The following MYH15 variants were observed in gnomAD, a reference collection of about 807,000 sequenced individuals.
The protein encoded by MYH15 is myosin-15.
Under a neutral mutation model 240.5 loss-of-function variants are expected in MYH15, and 227 were observed. That is an observed-to-expected ratio of 0.94 (90% CI 0.85 to 1.05). The LOEUF is 1.05. MYH15 is among the 50% of genes least tolerant of loss of function. The pLI, the probability that MYH15 is intolerant of heterozygous loss-of-function variation, is 0.00. For synonymous variants in MYH15, 785 were observed against 796.7 expected, an observed-to-expected ratio of 0.99 and a Z score of 0.25; for missense variants, 2,217 against 2,247.5, an observed-to-expected ratio of 0.99 and a Z score of 0.27.
At position 108,428,860 on chromosome 3, in the gene MYH15, C is replaced by A. The variant is rs1028623466; in HGVS notation, c.3334G>T (p.Glu1112Ter). The A allele has an allele frequency of 2.5e-6, 4 of 1,609,274 alleles. No homozygotes were observed. Among genetic ancestry groups the A allele is most frequent in the Middle Eastern group, 3.3e-4 (2 of 6,046 alleles). Reference sequence around the variant, plus strand: ...GTGGTCCTTTCAGCTTCTAGTTTCTCTTTCAAATCCTTTATTTGAGTCTGT... The same window carrying A: ...GTGGTCCTTTCAGCTTCTAGTTTCTATTTCAAATCCTTTATTTGAGTCTGT... Reference protein sequence around the residue: ...ELQTQIKDLKEKLEAERTTRA... With the variant: ...ELQTQIKDLK The change falls in exon 27 of 41, where the codon GAG becomes TAG. Residue 1112 changes from glutamate to a stop codon, truncating the protein, a stop_gained. Coordinates refer to ENST00000693548, the MANE Select transcript of MYH15 (RefSeq NM_014981.3). LOFTEE classifies it high-confidence loss of function.
At chr3:108,547,965 G>C in the MYH15 span, among the ~76,000 whole-genome samples, 1 of 152,158 alleles carries the variant, frequency 6.6e-6, no homozygotes, top group Non-Finnish European at 1.5e-5. Flanking sequence ...TGCATGCAAA[G>C]AGGTGAACAT....
chr3:108,480,343 G>A (rs1202015120), intron 11 of MYH15, among the ~76,000 whole-genome samples: 1 of 152,210 alleles, frequency 6.6e-6, no homozygotes, highest in African/African-American at 2.4e-5. Context: ...GGTCAAAGAA[G>A]AGGTTGTAAC....
chr3:108,463,204 C>G lies in MYH15; in HGVS notation c.1771G>C (p.Asp591His). The change falls in exon 16 of 41, where the codon GAC becomes CAC. Residue 591 changes from aspartate to histidine, a missense_variant. Asp to His is a moderately conservative substitution (Grantham distance 81). Transcript: ENST00000693548. ...NISGWLEKNK[D>H]LLNETVVAVF... is the part of the protein sequence containing the mutation. ...GCTACCACTGTTTCATTAAGGAGGT[C>G]TTTGTTCTTTTCCAGCCAACCACTG... The G allele has an allele frequency of 1.2e-6, 2 of 1,612,876 alleles. No individual in the cohort carries two copies. The highest frequency in any genetic ancestry group is 1.7e-6 in the Non-Finnish European group (2 of 1,179,564).
chr3:108,492,874 C>A (rs529042512), intron 8 of MYH15, among the ~76,000 whole-genome samples: 18 of 151,940 alleles, frequency 1.2e-4, no homozygotes, highest in Non-Finnish European at 2.4e-4. Flanking sequence ...TGCTTGATCC[C>A]AGGAATTCGA....
the MYH15 span, among the ~76,000 whole-genome samples, chr3:108,534,714 A>C: frequency 6.9e-6 from 1 of 145,612 alleles, no homozygotes; most frequent in East Asian, 1.9e-4. Flanking sequence ...AAAAAAAAAA[A>C]AATTTTTTTT....
intron 14 of MYH15, among the ~76,000 whole-genome samples, chr3:108,468,817 T>C (rs1408484182): frequency 6.6e-6 from 1 of 152,190 alleles, no homozygotes; most frequent in Admixed American, 6.5e-5. Context: ...GAAAACAGTA[T>C]CTTGTCATAA....
chr3:108,385,706 G>A lies in MYH15; in HGVS notation c.5536-924C>T, dbSNP rs147153484. Among the ~76,000 whole-genome samples the A allele has an allele frequency of 7.2e-4, 109 of 152,242 alleles. No individual in the cohort carries two copies. The East Asian group carries it at 0.016, about 23-fold the overall frequency. ...GAAAGATCTACTACTGCTTAAAATTGTTTTCTGGCTCCATTTGACCTATTC... is the reference window on the plus strand; with the variant it reads ...GAAAGATCTACTACTGCTTAAAATTATTTTCTGGCTCCATTTGACCTATTC... On this transcript the variant is annotated intron_variant, in intron 38 of 40. Transcript: ENST00000693548.
At chr3:108,382,328 A>T (rs1005941965) in intron 40 of MYH15, among the ~76,000 whole-genome samples, 1 of 152,180 alleles carries the variant, frequency 6.6e-6, no homozygotes, top group Non-Finnish European at 1.5e-5. Flanking sequence ...TCTCTCAATG[A>T]TTCATATTTC....
chr3:108,445,873 T>G (rs963059287), intron 21 of MYH15, among the ~76,000 whole-genome samples: 1 of 151,668 alleles, frequency 6.6e-6, no homozygotes, highest in South Asian at 2.1e-4. Flanking sequence ...TGTCTAAAAC[T>G]AAAAAACATA....
At chr3:108,549,202 T>C in the MYH15 span, among the ~76,000 whole-genome samples, 116 of 151,996 alleles carry the variant, frequency 7.6e-4, no homozygotes, top group South Asian at 0.017. Flanking sequence ...TACAAAACCC[T>C]GACTATGGTG....
rs187767669 is a variant in MYH15, at chr3:108,395,032, G to A, written c.5134-876C>T. Among the ~76,000 whole-genome samples the A allele has an allele frequency of 3.1e-3, 469 of 152,296 alleles. 6 individuals are homozygous for A. Among genetic ancestry groups the A allele is most frequent in the Non-Finnish European group, 4.7e-3 (318 of 68,024 alleles). ...TGTAATCCTAGCACTTTGGGAGGCT[G>A]ACGGGGGTGAATCTCCTGAGCTCAG... is the stretch of plus-strand genomic sequence containing the variant. On this transcript the variant is annotated intron_variant, in intron 35 of 40. Transcript: ENST00000693548.
At chr3:108,385,598 A>C (rs2082377621) in intron 38 of MYH15, among the ~76,000 whole-genome samples, 1 of 152,214 alleles carries the variant, frequency 6.6e-6, no homozygotes, top group South Asian at 2.1e-4. Flanking sequence ...TTTAACTGGA[A>C]TATTTCCATA....
intron 12 of MYH15, among the ~76,000 whole-genome samples, chr3:108,476,013 T>A (rs1393536526): frequency 1.3e-5 from 2 of 152,222 alleles, no homozygotes; most frequent in Non-Finnish European, 2.9e-5. Flanking sequence ...ATGTGTCTTT[T>A]ATGCCAAAGG....
In MYH15 at chr3:108,444,792, A is replaced by G. The variant is rs1227063986; in HGVS notation, c.2503T>C (p.Ser835Pro). ...FFKIKPLVKS[S>P]EVGEEVAGLK... is the part of the protein sequence containing the mutation. ...CCAGCTACTTCTTCTCCTACTTCTG[A>G]AGATTTAACAAGAGGCTTGATCTTG... The change falls in exon 22 of 41, where the codon TCA (serine) becomes CCA (proline). Residue 835 changes from serine to proline, a missense_variant. Coordinates refer to ENST00000693548, the MANE Select transcript of MYH15 (RefSeq NM_014981.3). 5.0e-6 allele frequency: 8 copies of G among 1,614,086 alleles called. No individual in the cohort carries two copies. The highest frequency in any genetic ancestry group is 6.8e-6 in the Non-Finnish European group (8 of 1,180,000).
At chr3:108,387,249 A>T (rs1301463292) in intron 38 of MYH15, among the ~76,000 whole-genome samples, 1 of 152,160 alleles carries the variant, frequency 6.6e-6, no homozygotes, top group Non-Finnish European at 1.5e-5. Flanking sequence ...GGTTATTTTG[A>T]TGATTGAGAT....
At chr3:108,408,688 C>T (rs1004577357) in intron 31 of MYH15, among the ~76,000 whole-genome samples, 1 of 152,330 alleles carries the variant, frequency 6.6e-6, no homozygotes, top group East Asian at 1.9e-4. Flanking sequence ...ACATGACAGT[C>T]CTGCTCATTA....
chr3:108,492,071 T>A (rs2083352481), intron 9 of MYH15, among the ~76,000 whole-genome samples: 2 of 151,966 alleles, frequency 1.3e-5, no homozygotes, highest in Admixed American at 1.3e-4. Context: ...TGAAACCCCA[T>A]CTCTATTAAA....
At position 108,381,272 on chromosome 3, in the gene MYH15, A is replaced by C. The variant is rs2082341239; in HGVS notation, c.*273T>G. On this transcript the variant is annotated 3_prime_UTR_variant, in exon 41 of 41. Transcript: ENST00000693548. Reference sequence around the variant, plus strand: ...AGGATCAAGTATTTATTCATTTTTTAAACATCAGAATTGAAAAGGTTCTTC... The same window carrying C: ...AGGATCAAGTATTTATTCATTTTTTCAACATCAGAATTGAAAAGGTTCTTC... 3.9e-6 allele frequency: 2 copies of C among 516,506 alleles called. No homozygotes were observed. The highest frequency in any genetic ancestry group is 3.3e-5 in the Admixed American group (1 of 30,698). The allele number at this position is 516,506 out of a possible 1,614,324, so 32.0% of individuals were successfully genotyped here.
intron 1 of MYH15, among the ~76,000 whole-genome samples, chr3:108,506,721 C>T (rs1404081744): frequency 6.6e-6 from 1 of 152,146 alleles, no homozygotes; most frequent in Non-Finnish European, 1.5e-5. Flanking sequence ...CCTTTACTCC[C>T]CCAGTCCTGT....
Sources: gnomAD v4.1 joint callset for allele counts (sites outside exome capture counted in the v4.1 genomes callset) on GRCh38, gnomAD v4.1.1 for gene constraint, MANE v1.5 for transcripts, NCBI Gene and HGNC (gene_info 2026-07-23, HGNC 2026-07-21) for gene names.